The following IFT140 variants were observed in gnomAD, a reference collection of about 807,000 sequenced individuals.
The protein encoded by IFT140 is intraflagellar transport 140, also known as intraflagellar transport protein 140 homolog.
A neutral mutation model predicts 164.6 loss-of-function variants in IFT140; 133 were observed. The observed-to-expected ratio is 0.81, with a 90% CI of 0.70 to 0.93. IFT140 has a LOEUF of 0.93. IFT140 is among the 40% of genes least tolerant of loss of function. The probability of loss-of-function intolerance (pLI) is 0.00; values close to 1 mark genes in which losing one functional copy is unlikely to be tolerated. For synonymous variants in IFT140, 860 were observed against 817.3 expected, an observed-to-expected ratio of 1.05 and a Z score of -0.89; for missense variants, 2,045 against 1,972.3, an observed-to-expected ratio of 1.04 and a Z score of -0.70.
At position 1,575,688 on chromosome 16, in the gene IFT140, T is replaced by A. The variant is rs371637457; in HGVS notation, c.1525-4154A>T. Among the ~76,000 whole-genome samples the A allele has an allele frequency of 2.3e-4, 35 of 152,022 alleles. No homozygotes were observed. In the East Asian group the frequency reaches 6.0e-3, roughly 26 times the overall value. On this transcript the variant is annotated intron_variant, in intron 13 of 30. Transcript: ENST00000426508. ...CTGTTATTTCCCATCATGCCACTAG[T>A]GTTCTCCCAGCAGGCCATTCACCCT...
At chr16:1,518,125 G>T in intron 30 of IFT140, 91 bp downstream of exon 30, 3 of 1,332,176 alleles carry the variant, frequency 2.3e-6, no homozygotes, top group Non-Finnish European at 3.1e-6. Flanking sequence ...GGAGTGAGCC[G>T]CCACACACAG....
At chr16:1,578,443 G>A (rs1300058110) in intron 13 of IFT140, 2 of 152,036 alleles carry the variant, frequency 1.3e-5, no homozygotes, top group Non-Finnish European at 2.9e-5. Context: ...TGCACACAGT[G>A]GGCTGAATGG....
intron 4 of IFT140, among the ~76,000 whole-genome samples, chr16:1,599,002 A>T (rs1341454493): frequency 7.9e-6 from 1 of 127,216 alleles, no homozygotes; most frequent in Non-Finnish European, 1.6e-5. Context: ...CACATCTAGG[A>T]AGTGAGGAGC....
intron 24 of IFT140, 145 bp downstream of exon 24, chr16:1,524,407 G>T: frequency 9.2e-7 from 1 of 1,089,646 alleles, no homozygotes; most frequent in Non-Finnish European, 1.3e-6. Flanking sequence ...GGGTGGGCGG[G>T]TGAGGCAGAC....
chr16:1,545,331 C>T (rs916631313), intron 19 of IFT140, among the ~76,000 whole-genome samples: 1 of 152,144 alleles, frequency 6.6e-6, no homozygotes, highest in African/African-American at 2.4e-5. Context: ...CCTGGTGTCT[C>T]GGTGGCTTTT....
intron 6 of IFT140, 28 bp from the exon 7 acceptor site, chr16:1,589,808 G>A: frequency 6.3e-7 from 1 of 1,588,914 alleles, no homozygotes; most frequent in Non-Finnish European, 8.6e-7. Context: ...GTCACTACAT[G>A]AGGAGGCCCT....
intron 4 of IFT140, among the ~76,000 whole-genome samples, chr16:1,598,040 G>C (rs1169424146): frequency 6.6e-6 from 1 of 152,118 alleles, no homozygotes; most frequent in East Asian, 1.9e-4. Context: ...GATCACCAAA[G>C]AAGTAGAAAT....
In IFT140 at chr16:1,510,801, G is replaced by T; in HGVS notation, c.*143C>A. The T allele has an allele frequency of 2.5e-6, 2 of 791,468 alleles. No individual in the cohort carries two copies. The highest frequency in any genetic ancestry group is 2.1e-6 in the Non-Finnish European group (1 of 481,778). The allele number at this position is 791,468 out of a possible 1,614,324, so 49.0% of individuals were successfully genotyped here. A position where few individuals can be genotyped will look rare whatever the true frequency, so the allele number is the denominator to read the frequency against. The stretch of plus-strand genomic sequence containing the variant: ...GTCACACCCTCCGCCGGCCCGGGCC[G>T]CTGCGTTCTCGCCCAGCTCTGTCGC... On this transcript the variant is annotated 3_prime_UTR_variant, in exon 31 of 31. Transcript: ENST00000426508.
Position 1,523,571 on chromosome 16 carries a change from TGAA to T in IFT140, c.3397_3399del (p.Phe1133del), listed in dbSNP as rs2040585460. ...GCCCTCTCGTACTGACTGTGCTCGA[TGAA>T]GAAGTCGGAGCAGCGGGCCAGGAGC... On this transcript the variant is annotated inframe_deletion, in exon 26 of 31. Transcript: ENST00000426508. The T allele has an allele frequency of 1.2e-6, 2 of 1,613,696 alleles. No individual in the cohort carries two copies. The highest frequency in any genetic ancestry group is 1.7e-6 in the Non-Finnish European group (2 of 1,179,982).
rs944913127 is a variant in IFT140 at position 1,533,857 on chromosome 16, G to A, written c.2400-7061C>T. On this transcript the variant is annotated intron_variant, in intron 19 of 30. Coordinates refer to ENST00000426508, the MANE Select transcript of IFT140 (RefSeq NM_014714.4). This position sits in a 1 kb window ranked among gnomAD's most constrained non-coding sequence, Gnocchi z 4.7. Reference sequence around the variant, plus strand: ...CGGAGCCTGGCACTCACAGCAGGCCGGTGCTAAGGAGTGTGGCGCGGGCTC... The same window carrying A: ...CGGAGCCTGGCACTCACAGCAGGCCAGTGCTAAGGAGTGTGGCGCGGGCTC... The A allele has an allele frequency of 1.3e-5, 3 of 236,484 alleles. No homozygotes were observed. The highest frequency in any genetic ancestry group is 5.2e-5 in the South Asian group (1 of 19,170). 14.6% of individuals were successfully genotyped at this position (236,484 alleles called of 1,614,324 possible). A position where few individuals can be genotyped will look rare whatever the true frequency, so the allele number is the denominator to read the frequency against.
chr16:1,561,937 C>A (rs777349354), intron 18 of IFT140, 48 bp downstream of exon 18: 2 of 1,488,044 alleles, frequency 1.3e-6, no homozygotes, highest in Admixed American at 2.3e-5. Context: ...CCCAGCCAGG[C>A]AAGGGGAGAG....
chr16:1,534,988 T>C (rs939339387), intron 19 of IFT140, among the ~76,000 whole-genome samples: 6 of 152,072 alleles, frequency 3.9e-5, no homozygotes, highest in African/African-American at 1.2e-4. Flanking sequence ...GAGGACTGCT[T>C]GAGGCCAAGA....
chr16:1,576,332 T>C (rs751582986), intron 13 of IFT140, among the ~76,000 whole-genome samples: 6 of 147,968 alleles, frequency 4.1e-5, no homozygotes, highest in Non-Finnish European at 7.4e-5. Flanking sequence ...TGGCTCATGA[T>C]TGTAATCCTA....
In IFT140 at chr16:1,553,983, C is replaced by G. The variant is rs919301790; in HGVS notation, c.2399+3952G>C. Reference sequence around the variant, plus strand: ...GCATCAGCGACTAACTAGACGGGAACAAGCTGCGCCAACCAAGGGTTGCTC... The same window carrying G: ...GCATCAGCGACTAACTAGACGGGAAGAAGCTGCGCCAACCAAGGGTTGCTC... On this transcript the variant is annotated intron_variant, in intron 19 of 30. Transcript: ENST00000426508. This position sits in a 1 kb window ranked among gnomAD's most constrained non-coding sequence, Gnocchi z 4.4. The G allele has an allele frequency of 3.9e-6, 5 of 1,287,124 alleles. No homozygotes were observed. Among genetic ancestry groups the G allele is most frequent in the Non-Finnish European group, 5.1e-6 (5 of 988,706 alleles). 79.7% of individuals were successfully genotyped at this position (1,287,124 alleles called of 1,614,324 possible). A position where few individuals can be genotyped will look rare whatever the true frequency, so the allele number is the denominator to read the frequency against.
intron 19 of IFT140, 90 bp downstream of exon 19, chr16:1,557,845 C>T: frequency 1.5e-6 from 2 of 1,299,194 alleles, no homozygotes; most frequent in Admixed American, 3.5e-5. Context: ...TCAAATATTT[C>T]AACAGGCGAA....
At chr16:1,611,233 CG>C (rs1457973999) in intron 1 of IFT140, among the ~76,000 whole-genome samples, 1 of 152,200 alleles carries the variant, frequency 6.6e-6, no homozygotes, top group African/African-American at 2.4e-5. Flanking sequence ...GGCGGCCGGA[CG>C]CGGGGCTCGC....
chr16:1,607,976 C>T (rs2859312), intron 2 of IFT140, among the ~76,000 whole-genome samples: 5,245 of 152,252 alleles, frequency 0.034, 309 homozygotes, highest in African/African-American at 0.12. Context: ...TAAATGCAAA[C>T]TGCTCCAGAA....
chr16:1,567,936 G>C (rs184667523), intron 15 of IFT140, among the ~76,000 whole-genome samples: 1 of 152,208 alleles, frequency 6.6e-6, no homozygotes, highest in African/African-American at 2.4e-5. Context: ...CTCCAACAAG[G>C]AATCGACTGT....
intron 1 of IFT140, among the ~76,000 whole-genome samples, 162 bp from the exon 2 acceptor site, chr16:1,611,015 C>T (rs994143638): frequency 1.3e-5 from 2 of 152,250 alleles, no homozygotes; most frequent in African/African-American, 4.8e-5. Context: ...GAGGCGGAGC[C>T]TTTCCAGCAC....
Sources: gnomAD v4.1 joint callset for allele counts (sites outside exome capture counted in the v4.1 genomes callset) on GRCh38, gnomAD v4.1.1 for gene constraint, Gnocchi (gnomAD v3.1) non-coding constraint, MANE v1.5 for transcripts, NCBI Gene and HGNC (gene_info 2026-07-23, HGNC 2026-07-21) for gene names.